The following ATP7B variants were observed in gnomAD, a reference collection of about 807,000 sequenced individuals.
ATP7B encodes the protein ATPase copper transporting beta, also known as copper-transporting ATPase 2.
Under a neutral mutation model 118.9 loss-of-function variants are expected in ATP7B, and 113 were observed. The observed-to-expected ratio is 0.95, with a 90% confidence interval of 0.82 to 1.11. The LOEUF (loss-of-function observed/expected upper bound fraction) is 1.11. Among genes scored for constraint, ATP7B ranks in the 50% most tolerant of loss-of-function variants. The pLI, the probability that ATP7B is intolerant of heterozygous loss-of-function variation, is 0.00. For missense variants in ATP7B, 1,867 were observed against 1,871.4 expected, an observed-to-expected ratio of 1.00 and a Z score of 0.04; for synonymous variants, 777 against 727.4, an observed-to-expected ratio of 1.07 and a Z score of -1.10.
Position 51,950,541 on chromosome 13 carries a change from T to C in ATP7B, c.2448-142A>G. ...TTTGATCTGTTCATTTACAGATATT[T>C]ATCGTGCAGCTGCTGAATACCAGGC... On this transcript the variant is annotated intron_variant, in intron 9 of 20. Transcript: ENST00000242839. The C allele has an allele frequency of 3.8e-6, 5 of 1,306,068 alleles. No homozygotes were observed. The South Asian group carries it at 6.2e-5, about 16-fold the overall frequency. 80.9% of individuals were successfully genotyped at this position (1,306,068 alleles called of 1,614,324 possible).
chr13:51,943,927 ACC>A (rs879368810), intron 14 of ATP7B, among the ~76,000 whole-genome samples, 180 bp downstream of exon 14: 5,584 of 152,170 alleles, frequency 0.037, 346 homozygotes, highest in African/African-American at 0.13. Flanking sequence ...CTTTGTGATA[ACC>A]TGGAACTGTG....
intron 1 of ATP7B, among the ~76,000 whole-genome samples, chr13:51,980,350 C>T (rs936033371): frequency 1.3e-5 from 2 of 152,034 alleles, no homozygotes; most frequent in Non-Finnish European, 2.9e-5. Flanking sequence ...TGATGGTAGA[C>T]GTCAGGATGA....
At chr13:51,994,413 A>T (rs1166365428) in intron 1 of ATP7B, among the ~76,000 whole-genome samples, 1 of 152,242 alleles carries the variant, frequency 6.6e-6, no homozygotes. Flanking sequence ...TCATATTTTT[A>T]AATTTGCCTA....
intron 9 of ATP7B, among the ~76,000 whole-genome samples, chr13:51,953,687 C>T (rs1246453169): frequency 6.6e-6 from 1 of 152,028 alleles, no homozygotes; most frequent in Non-Finnish European, 1.5e-5. Flanking sequence ...TGTTTCATAG[C>T]ACTTCATCTT....
intron 1 of ATP7B, among the ~76,000 whole-genome samples, chr13:51,986,695 C>T (rs950963442): frequency 1.1e-4 from 16 of 152,192 alleles, no homozygotes; most frequent in Non-Finnish European, 2.2e-4. Flanking sequence ...AATCCAGCAG[C>T]ACATCAAAAA....
intron 5 of ATP7B, among the ~76,000 whole-genome samples, chr13:51,963,522 C>A (rs879589767): frequency 2.0e-5 from 3 of 151,332 alleles, no homozygotes; most frequent in African/African-American, 7.3e-5. Flanking sequence ...GATCACCTGA[C>A]GTCAGGAGTT....
chr13:51,943,992 A>T, intron 14 of ATP7B, 117 bp downstream of exon 14: 1 of 1,320,920 alleles, frequency 7.6e-7, no homozygotes, highest in Non-Finnish European at 1.1e-6. Context: ...AGGGCCCTCT[A>T]AGTGGTTTTC....
At position 51,974,413 on chromosome 13, in the gene ATP7B, C is replaced by T; in HGVS notation, c.807G>A (p.Lys269=). ...TTTCTTCAATATTCAAGACGCAAGACTTACAATGCATTCCATCTATTCTCA... is the reference window on the plus strand; with the variant it reads ...TTTCTTCAATATTCAAGACGCAAGATTTACAATGCATTCCATCTATTCTCA... ...LQLRIDGMHC[K]SCVLNIEENI... is the part of the protein sequence containing the mutation. Residue 269 remains lysine, a synonymous_variant, in exon 2 of 21, where the codon AAG becomes AAA. Coordinates refer to ENST00000242839, the MANE Select transcript of ATP7B (RefSeq NM_000053.4). 6.2e-7 allele frequency: 1 copy of T among 1,614,014 alleles called. No individual in the cohort carries two copies. The highest frequency in any genetic ancestry group is 8.5e-7 in the Non-Finnish European group (1 of 1,180,024).
chr13:51,969,978 G>A (rs1327468084), intron 3 of ATP7B, among the ~76,000 whole-genome samples: 2 of 152,166 alleles, frequency 1.3e-5, no homozygotes, highest in Non-Finnish European at 2.9e-5. Context: ...AAATGGATCC[G>A]AATTTTATTG....
At chr13:52,011,586 G>A (rs1026625333), upstream of ATP7B, 271 of 608,798 alleles carry the variant, frequency 4.5e-4, 2 homozygotes, top group Non-Finnish European at 1.1e-4. Flanking sequence ...CTGGGGGCAC[G>A]GGGATGAGAG....
intron 1 of ATP7B, among the ~76,000 whole-genome samples, chr13:51,997,570 A>G (rs1953271452): frequency 6.6e-6 from 1 of 152,194 alleles, no homozygotes; most frequent in Non-Finnish European, 1.5e-5. Context: ...GCCAGGTTAG[A>G]AAGGGCAGAG....
chr13:51,977,983 A>C (rs1050841588), intron 1 of ATP7B, among the ~76,000 whole-genome samples: 2 of 152,258 alleles, frequency 1.3e-5, no homozygotes, highest in African/African-American at 2.4e-5. Context: ...ACGTCAAAAG[A>C]CATTTCAGGC....
intron 14 of ATP7B, 92 bp from the exon 15 acceptor site, chr13:51,942,646 G>A: frequency 6.6e-7 from 1 of 1,508,308 alleles, no homozygotes; most frequent in Non-Finnish European, 9.1e-7. Flanking sequence ...ACAGGGTGAA[G>A]GTGGCAAGAG....
At chr13:51,961,260 G>GA (rs1379871325) in intron 6 of ATP7B, among the ~76,000 whole-genome samples, 1 of 151,688 alleles carries the variant, frequency 6.6e-6, no homozygotes, top group Non-Finnish European at 1.5e-5. Context: ...CCGAGACAGG[G>GA]AAAGTATTTA....
chr13:51,979,267 T>C (rs1952291929), intron 1 of ATP7B, among the ~76,000 whole-genome samples: 1 of 152,170 alleles, frequency 6.6e-6, no homozygotes, highest in Non-Finnish European at 1.5e-5. Context: ...GGGCTACAAT[T>C]CTGTCATGGT....
intron 4 of ATP7B, chr13:51,966,728 C>T (rs531353221): frequency 3.8e-5 from 59 of 1,572,198 alleles, no homozygotes; most frequent in South Asian, 1.2e-4. Flanking sequence ...CACGCCAGCC[C>T]GCCCGCACCC....
chr13:52,003,830 C>T (rs1199554774), intron 1 of ATP7B, among the ~76,000 whole-genome samples: 6 of 152,264 alleles, frequency 3.9e-5, no homozygotes, highest in Middle Eastern at 3.4e-3. Context: ...CCAGAGCTTC[C>T]GAGAGAAGGT....
In ATP7B at chr13:51,940,382, G is replaced by A. The variant is rs150668911; in HGVS notation, c.3556+699C>T. On this transcript the variant is annotated intron_variant, in intron 16 of 20. Transcript: ENST00000242839. ...ATAAAGCAGATAGAAGGGCAGGTGC[G>A]GTGGCTCACGCCTGTAATCCCAGCA... 5.6e-3 allele frequency among the ~76,000 whole-genome samples: 836 copies of A among 149,044 alleles called. 8 individuals carry two copies. Among genetic ancestry groups the A allele is most frequent in the African/African-American group, 0.019 (789 of 40,924 alleles).
intron 1 of ATP7B, chr13:51,978,833 G>A (rs1251805620): frequency 6.6e-6 from 1 of 152,132 alleles, no homozygotes; most frequent in Non-Finnish European, 1.5e-5. Context: ...TTTTCAATTC[G>A]GACAGGGCTT....
Sources: allele counts gnomAD v4.1 joint callset (sites outside exome capture counted in the v4.1 genomes callset), GRCh38; gene constraint gnomAD v4.1.1; transcripts MANE v1.5; gene names NCBI Gene and HGNC (gene_info 2026-07-23, HGNC 2026-07-21).